The following DGUOK variants were observed in gnomAD, a reference collection of about 807,000 sequenced individuals.
DGUOK encodes the protein deoxyguanosine kinase, mitochondrial.
Under a neutral mutation model 36.6 loss-of-function variants are expected in DGUOK, and 30 were observed. The ratio of observed to expected loss-of-function variants is 0.82; its 90% CI spans 0.61 to 1.11. The LOEUF is 1.11. Ranked by LOEUF, DGUOK falls within the 50% of genes most tolerant of loss-of-function variation. The probability of loss-of-function intolerance (pLI) is 0.00; values close to 1 mark genes in which losing one functional copy is unlikely to be tolerated. For synonymous variants in DGUOK, 145 were observed against 126.3 expected, an observed-to-expected ratio of 1.15 and a Z score of -0.99; for missense variants, 361 against 336.4, an observed-to-expected ratio of 1.07 and a Z score of -0.57.
In DGUOK at chr2:73,958,870, T is replaced by G; in HGVS notation, c.*134T>G. 1 of 728,362 alleles carries G rather than the reference T, an allele frequency of 1.4e-6. No homozygotes were observed. The highest frequency in any genetic ancestry group is 1.8e-5 in the African/African-American group (1 of 56,290). The allele number at this position is 728,362 out of a possible 1,614,324, so 45.1% of individuals were successfully genotyped here. ...AGCACTCTGCCGCTCAAGAGCTGGTTTGTTAATTATTGTTAGACTTTGCCA... is the reference window on the plus strand; with the variant it reads ...AGCACTCTGCCGCTCAAGAGCTGGTGTGTTAATTATTGTTAGACTTTGCCA... On this transcript the variant is annotated 3_prime_UTR_variant, in exon 7 of 7. Coordinates refer to ENST00000264093, the MANE Select transcript of DGUOK (RefSeq NM_080916.3).
chr2:73,932,695 G>A, intron 1 of DGUOK: 1 of 1,262,302 alleles, frequency 7.9e-7, no homozygotes. Flanking sequence ...TATGTTTAGA[G>A]GGCTTTTCTT....
intron 3 of DGUOK, chr2:73,947,202 T>G (rs1164843038): frequency 4.7e-6 from 2 of 423,864 alleles, no homozygotes; most frequent in South Asian, 4.2e-5. Flanking sequence ...AGCCACCTAA[T>G]GTAACCATCA....
rs372829596 is a variant in DGUOK at position 73,950,744 on chromosome 2, C to T, written c.591+12C>T. ...AGGCTTCTCCCCAGGTAACACTGAA[C>T]CTACAACCTTAGACTTTAGGGCCAT... On this transcript the variant is annotated intron_variant, in intron 4 of 6. Coordinates refer to ENST00000264093, the MANE Select transcript of DGUOK (RefSeq NM_080916.3). The T allele has an allele frequency of 5.7e-5, 92 of 1,614,150 alleles. No homozygotes were observed. In the African/African-American group the frequency reaches 1.2e-3, roughly 21 times the overall value.
chr2:73,948,577 C>T (rs1682498499), intron 3 of DGUOK, among the ~76,000 whole-genome samples: 1 of 152,222 alleles, frequency 6.6e-6, no homozygotes, highest in Non-Finnish European at 1.5e-5. Context: ...GTGAATAAGG[C>T]AGACCCAGTC....
chr2:73,948,884 G>A (rs1433351007), intron 3 of DGUOK, among the ~76,000 whole-genome samples: 1 of 152,138 alleles, frequency 6.6e-6, no homozygotes, highest in Non-Finnish European at 1.5e-5. Context: ...TAAAGGAAGT[G>A]CTCTTTCTCA....
At position 73,957,248 on chromosome 2, in the gene DGUOK, G is replaced by T. The variant is rs1156569582; in HGVS notation, c.707+8G>T. On this transcript the variant is annotated splice_region_variant and intron_variant, in intron 5 of 6. Transcript: ENST00000264093. ...TATTCACAAGACAACGAAGTAAGTG[G>T]GGAGAAAAGAATGTATCAGAGACAG... 2 of 1,609,780 alleles carry T rather than the reference G, an allele frequency of 1.2e-6. No individual in the cohort carries two copies. The highest frequency in any genetic ancestry group is 1.7e-6 in the Non-Finnish European group (2 of 1,176,542).
At chr2:73,945,947 C>T (rs375071113) in intron 2 of DGUOK, among the ~76,000 whole-genome samples, 2 of 151,034 alleles carry the variant, frequency 1.3e-5, no homozygotes, top group Admixed American at 1.3e-4. Context: ...CACTTGAACT[C>T]GGCTGGGGTG....
At chr2:73,930,863 T>TCA (rs1359105890) in intron 1 of DGUOK, among the ~76,000 whole-genome samples, 1 of 147,732 alleles carries the variant, frequency 6.8e-6, no homozygotes, top group Non-Finnish European at 1.5e-5. Context: ...TGGTGTGATC[T>TCA]TGGCTCACTG....
At position 73,927,021 on chromosome 2, in the gene DGUOK, GC is replaced by G; in HGVS notation, c.115del (p.Arg39GlufsTer17). 1 of 1,610,554 alleles carries G rather than the reference GC, an allele frequency of 6.2e-7. No individual in the cohort carries two copies. The highest frequency in any genetic ancestry group is 1.1e-5 in the South Asian group (1 of 91,080). ...CCAGAGGCCTGCACGCGGGGCGCGG[GC>G]CCCGAAGGCTCTCCATCGAAGGCAA... ...SSRGLHAGRG[P>X]RRLSIEGNIA... On this transcript the variant is annotated frameshift_variant, in exon 1 of 7. Coordinates refer to ENST00000264093, the MANE Select transcript of DGUOK (RefSeq NM_080916.3). LOFTEE classifies it high-confidence loss of function.
rs545448795 is a variant in DGUOK at position 73,941,180 on chromosome 2, C to T, written c.255+2158C>T. On this transcript the variant is annotated intron_variant, in intron 2 of 6. Coordinates refer to ENST00000264093, the MANE Select transcript of DGUOK (RefSeq NM_080916.3). The stretch of plus-strand genomic sequence containing the variant: ...GGCCACACGGAAGGAACTGAGGCCT[C>T]CTGTGAACAGGTACGTGAGTCTTTT... Among the ~76,000 whole-genome samples, 14 of 152,308 alleles carry T rather than the reference C, an allele frequency of 9.2e-5. No individual in the cohort carries two copies. The South Asian group carries it at 2.5e-3, about 27-fold the overall frequency.
chr2:73,948,667 T>G (rs937191922), intron 3 of DGUOK, among the ~76,000 whole-genome samples: 1 of 152,206 alleles, frequency 6.6e-6, no homozygotes, highest in Non-Finnish European at 1.5e-5. Flanking sequence ...CTGGGAGAGT[T>G]GATTATAGCG....
chr2:73,932,222 A>AT (rs1681096646), intron 1 of DGUOK, among the ~76,000 whole-genome samples: 1 of 152,060 alleles, frequency 6.6e-6, no homozygotes, highest in East Asian at 1.9e-4. Context: ...GGGAGGACCT[A>AT]ATCTGACTCT....
intron 5 of DGUOK, among the ~76,000 whole-genome samples, chr2:73,957,691 A>G (rs116090431): frequency 0.014 from 2,072 of 152,340 alleles, 46 homozygotes; most frequent in African/African-American, 0.048. Context: ...AATATTGAAT[A>G]TAATCTTTAC....
At position 73,950,709 on chromosome 2, in the gene DGUOK, A is replaced by T. The variant is rs757043357; in HGVS notation, c.568A>T (p.Ile190Phe). Residue 190 changes from isoleucine (I) to phenylalanine (F), a missense_variant, in exon 4 of 7, where the codon ATC becomes TTC. Coordinates refer to ENST00000264093, the MANE Select transcript of DGUOK (RefSeq NM_080916.3). ...CAGCCGGATCACATTACATGGCTTC[A>T]TCTACCTCCAGGCTTCTCCCCAGGT... ...FASRITLHGFIYLQASPQVCL... is the reference protein window; with the variant it reads ...FASRITLHGFFYLQASPQVCL... 6.2e-6 allele frequency: 10 copies of T among 1,614,116 alleles called. No homozygotes were observed. Among genetic ancestry groups the T allele is most frequent in the Non-Finnish European group, 8.5e-6 (10 of 1,180,014 alleles).
chr2:73,928,425 G>A (rs556084468), intron 1 of DGUOK, among the ~76,000 whole-genome samples: 4 of 152,314 alleles, frequency 2.6e-5, no homozygotes, highest in African/African-American at 9.6e-5. Flanking sequence ...ACTGCACCTG[G>A]CCGAAGTTGT....
chr2:73,937,453 A>T (rs944621719), intron 1 of DGUOK, among the ~76,000 whole-genome samples: 1 of 152,264 alleles, frequency 6.6e-6, no homozygotes, highest in African/African-American at 2.4e-5. Context: ...GCAAGAGATG[A>T]TAAGAGGCTG....
chr2:73,931,401 A>G (rs1234259833), intron 1 of DGUOK, among the ~76,000 whole-genome samples: 1 of 152,164 alleles, frequency 6.6e-6, no homozygotes. Flanking sequence ...CAGCCTCCCA[A>G]GTAGCTGAGA....
At position 73,930,017 on chromosome 2, in the gene DGUOK, G is replaced by T. The variant is rs150204062; in HGVS notation, c.142+2965G>T. 3.1e-4 allele frequency among the ~76,000 whole-genome samples: 47 copies of T among 152,340 alleles called. 1 individual carries two copies. In the East Asian group the frequency reaches 8.3e-3, roughly 27 times the overall value. On this transcript the variant is annotated intron_variant, in intron 1 of 6. Transcript: ENST00000264093. ...AATTGGTAAATCGGGACAGAGGATA[G>T]AATTGCTGGAGTGATTTTTAAGCAA...
rs1428799786 is a variant in DGUOK at position 73,934,330 on chromosome 2, G to A, written c.143-4580G>A. 3.3e-5 allele frequency among the ~76,000 whole-genome samples: 5 copies of A among 152,294 alleles called. No homozygotes were observed. In the East Asian group the frequency reaches 9.6e-4, roughly 29 times the overall value. On this transcript the variant is annotated intron_variant, in intron 1 of 6. Transcript: ENST00000264093. Reference sequence around the variant, plus strand: ...GTTGAAGTAATATACTCTTAAGAAAGTACCTTCCACCTTTTTTTAAGGTTG... The same window carrying A: ...GTTGAAGTAATATACTCTTAAGAAAATACCTTCCACCTTTTTTTAAGGTTG...
Sources: gnomAD v4.1 joint callset for allele counts (sites outside exome capture counted in the v4.1 genomes callset) on GRCh38, gnomAD v4.1.1 for gene constraint, MANE v1.5 for transcripts, NCBI Gene and HGNC (gene_info 2026-07-23, HGNC 2026-07-21) for gene names.